The following TNFRSF10B variants were observed in gnomAD, a reference collection of about 807,000 sequenced individuals.
TNFRSF10B encodes TNF receptor superfamily member 10b.
Under a neutral mutation model 41.4 loss-of-function variants are expected in TNFRSF10B, and 35 were observed. The observed-to-expected ratio is 0.85, with a 90% confidence interval of 0.65 to 1.12. TNFRSF10B has a LOEUF of 1.12. TNFRSF10B is among the 50% of genes most tolerant of loss of function. TNFRSF10B has a pLI of 0.00. For missense variants in TNFRSF10B, 584 were observed against 552.7 expected (o/e 1.06, Z -0.57); for synonymous variants, 230 against 215.5 (o/e 1.07, Z -0.59).
chr8:23,030,851 C>T lies in TNFRSF10B; in HGVS notation c.272G>A (p.Gly91Asp). ...CPPGHHISED[G>D]RDCISCKYGQ... Reference sequence around the variant, plus strand: ...ATATTTGCAGGAGATGCAATCTCTACCGTCTTCTGAGATATGGTGTCCTGG... The same window carrying T: ...ATATTTGCAGGAGATGCAATCTCTATCGTCTTCTGAGATATGGTGTCCTGG... The change falls in exon 3 of 9, where the codon GGT becomes GAT. Residue 91 changes from glycine (G) to aspartate (D), a missense_variant. Gly to Asp is a moderately conservative substitution (Grantham distance 94). Coordinates refer to ENST00000276431, the MANE Select transcript of TNFRSF10B (RefSeq NM_003842.5). 4.3e-6 allele frequency: 7 copies of T among 1,611,590 alleles called. No individual in the cohort carries two copies. The African/African-American group carries it at 8.0e-5, about 18-fold the overall frequency.
At chr8:23,039,448 C>G (rs1040024676) in intron 2 of TNFRSF10B, among the ~76,000 whole-genome samples, 1 of 152,174 alleles carries the variant, frequency 6.6e-6, no homozygotes, top group Non-Finnish European at 1.5e-5. Flanking sequence ...AGAACACCCT[C>G]TTTCTTGGTG....
chr8:23,022,940 C>A lies in TNFRSF10B; in HGVS notation c.1054G>T (p.Asp352Tyr), dbSNP rs201068780. 3 of 1,613,656 alleles carry A rather than the reference C, an allele frequency of 1.9e-6. No homozygotes were observed. In the East Asian group the frequency reaches 6.7e-5, roughly 36 times the overall value. ...TTCCTCATGAGCGGCTCCCAGGAGTCAAAGGGCACCAAGTCTGCAAAGTCA... is the reference window on the plus strand; with the variant it reads ...TTCCTCATGAGCGGCTCCCAGGAGTAAAAGGGCACCAAGTCTGCAAAGTCA... ...FDDFADLVPF[D>Y]SWEPLMRKLG... Residue 352 changes from aspartate to tyrosine, a missense_variant, in exon 9 of 9, where the codon GAC (aspartate) becomes TAC (tyrosine). By Grantham distance (160) the Asp-to-Tyr change is radical. Transcript: ENST00000276431.
chr8:23,027,575 C>T, intron 6 of TNFRSF10B, 147 bp downstream of exon 6: 2 of 1,090,886 alleles, frequency 1.8e-6, no homozygotes, highest in East Asian at 5.0e-5. Context: ...GGCCATGTGT[C>T]CCCCACAGTC....
rs1454547849 is a variant in TNFRSF10B, at chr8:23,043,253, C to G, written c.145-10G>C. 2.6e-5 allele frequency: 42 copies of G among 1,613,106 alleles called. No homozygotes were observed. The highest frequency in any genetic ancestry group is 3.1e-5 in the Non-Finnish European group (37 of 1,179,404). ...CAGACTCAGCTGAGACCTGTGGGGA[C>G]AAAGCAGGGATGGGCATGAGTGGCT... is the stretch of plus-strand genomic sequence containing the variant. On this transcript the variant is annotated splice_polypyrimidine_tract_variant and intron_variant, in intron 1 of 8. Coordinates refer to ENST00000276431, the MANE Select transcript of TNFRSF10B (RefSeq NM_003842.5).
rs770340318 is a variant in TNFRSF10B at position 23,028,578 on chromosome 8, G to C, written c.501C>G (p.Val167=). The change falls in exon 5 of 9, where the codon GTC becomes GTG. Residue 167 remains valine (V), a synonymous_variant. Coordinates refer to ENST00000276431, the MANE Select transcript of TNFRSF10B (RefSeq NM_003842.5). ...RTGCPRGMVK[V]GDCTPWSDIE... is the part of the protein sequence containing the mutation. ...TGTCACTCCAGGGTGTACAATCACCGACCTTGACCATCCCTCTGGGACACC... is the reference window on the plus strand; with the variant it reads ...TGTCACTCCAGGGTGTACAATCACCCACCTTGACCATCCCTCTGGGACACC... 1 of 1,613,956 alleles carries C rather than the reference G, an allele frequency of 6.2e-7. No homozygotes were observed. Among genetic ancestry groups the C allele is most frequent in the Non-Finnish European group, 8.5e-7 (1 of 1,179,984 alleles).
chr8:23,020,828 G>A lies in TNFRSF10B; in HGVS notation c.*1843C>T, dbSNP rs777905228. On this transcript the variant is annotated 3_prime_UTR_variant, in exon 9 of 9. Transcript: ENST00000276431. ...CACCTTCTGAGCCCTGAGGCTGAGC[G>A]TCCTGCACAGAAGGCCCAGCAAAGG... 48 of 454,000 alleles carry A rather than the reference G, an allele frequency of 1.1e-4. No homozygotes were observed. The highest frequency in any genetic ancestry group is 1.6e-4 in the Non-Finnish European group (37 of 226,802). 28.1% of individuals were successfully genotyped at this position (454,000 alleles called of 1,614,324 possible).
At position 23,022,258 on chromosome 8, in the gene TNFRSF10B, C is replaced by CA; in HGVS notation, c.*412dup. 1 of 454,144 alleles carries CA rather than the reference C, an allele frequency of 2.2e-6. No individual in the cohort carries two copies. Among genetic ancestry groups the CA allele is most frequent in the Admixed American group, 2.3e-5 (1 of 42,562 alleles). 28.1% of individuals were successfully genotyped at this position (454,144 alleles called of 1,614,324 possible). On this transcript the variant is annotated 3_prime_UTR_variant, in exon 9 of 9. Coordinates refer to ENST00000276431, the MANE Select transcript of TNFRSF10B (RefSeq NM_003842.5). ...CTGGGAGACAGAGTGAACTGCCCCG[C>CA]ACCCCCCACCCAAAAAAGGTTCATA...
chr8:23,036,657 C>CT (rs1167875283), intron 2 of TNFRSF10B, among the ~76,000 whole-genome samples: 1 of 152,194 alleles, frequency 6.6e-6, no homozygotes, highest in East Asian at 1.9e-4. Context: ...CTGGCCTGAC[C>CT]AACATGGTGA....
At position 23,035,158 on chromosome 8, in the gene TNFRSF10B, A is replaced by G. The variant is rs545769918; in HGVS notation, c.251-4286T>C. 6.9e-4 allele frequency among the ~76,000 whole-genome samples: 104 copies of G among 150,706 alleles called. 1 individual carries two copies. Among genetic ancestry groups the G allele is most frequent in the Admixed American group, 4.1e-3 (62 of 15,150 alleles). The stretch of plus-strand genomic sequence containing the variant: ...GTTTGCAGGTATTTTTTTTTTTTTA[A>G]TTAAACAGAGTCTTGCTCTGTCTCT... On this transcript the variant is annotated intron_variant, in intron 2 of 8. Coordinates refer to ENST00000276431, the MANE Select transcript of TNFRSF10B (RefSeq NM_003842.5).
intron 1 of TNFRSF10B, among the ~76,000 whole-genome samples, chr8:23,048,134 T>C (rs1812416395): frequency 6.6e-6 from 1 of 152,134 alleles, no homozygotes; most frequent in Non-Finnish European, 1.5e-5. Flanking sequence ...TTTTCATACA[T>C]GAAATTGAAA....
chr8:23,048,119 GTA>G (rs1334757337), intron 1 of TNFRSF10B, among the ~76,000 whole-genome samples: 7 of 152,162 alleles, frequency 4.6e-5, no homozygotes, highest in Non-Finnish European at 8.8e-5. Context: ...GAGAAATACT[GTA>G]TGTTTTCATA....
chr8:23,054,799 C>T (rs1397595883), intron 1 of TNFRSF10B, among the ~76,000 whole-genome samples: 1 of 152,148 alleles, frequency 6.6e-6, no homozygotes, highest in African/African-American at 2.4e-5. Flanking sequence ...TGGTTGGGCT[C>T]GGCTTTAAAA....
intron 7 of TNFRSF10B, among the ~76,000 whole-genome samples, chr8:23,025,773 C>A (rs1312103461): frequency 6.6e-6 from 1 of 152,062 alleles, no homozygotes; most frequent in African/African-American, 2.4e-5. Context: ...CTATGGGTGA[C>A]CTGCTTTCAA....
chr8:23,041,060 TG>T (rs33971191), intron 2 of TNFRSF10B, among the ~76,000 whole-genome samples: 6,487 of 51,182 alleles, frequency 0.13, 344 homozygotes, highest in African/African-American at 0.4. Context: ...ATTTTTTTTT[TG>T]TTGTTTTTTT....
intron 1 of TNFRSF10B, among the ~76,000 whole-genome samples, chr8:23,063,220 C>T (rs1344211704): frequency 1.3e-5 from 2 of 151,946 alleles, no homozygotes; most frequent in South Asian, 2.1e-4. Context: ...TGGTGGCAAG[C>T]GCCTGTAATC....
In TNFRSF10B at chr8:23,020,746, G is replaced by C; in HGVS notation, c.*1925C>G. 1 of 454,038 alleles carries C rather than the reference G, an allele frequency of 2.2e-6. No homozygotes were observed. The highest frequency in any genetic ancestry group is 4.4e-6 in the Non-Finnish European group (1 of 226,752). 28.1% of individuals were successfully genotyped at this position (454,038 alleles called of 1,614,324 possible). ...AAACACTGATAAGGCTGACACTCTA[G>C]ATGCATCTTCTAGGAAGGCCTCTGT... On this transcript the variant is annotated 3_prime_UTR_variant, in exon 9 of 9. Transcript: ENST00000276431.
intron 1 of TNFRSF10B, among the ~76,000 whole-genome samples, chr8:23,050,812 G>A (rs1009646717): frequency 2.0e-5 from 3 of 152,094 alleles, no homozygotes; most frequent in African/African-American, 7.2e-5. Context: ...GGTGTCTCAT[G>A]CCTGTAATCC....
intron 2 of TNFRSF10B, among the ~76,000 whole-genome samples, chr8:23,038,865 C>T (rs965465177): frequency 6.6e-6 from 1 of 152,062 alleles, no homozygotes; most frequent in African/African-American, 2.4e-5. Context: ...TCCTGAAAGA[C>T]AATTTTTCCA....
intron 1 of TNFRSF10B, among the ~76,000 whole-genome samples, chr8:23,061,471 T>G (rs192014463): frequency 6.6e-6 from 1 of 152,346 alleles, no homozygotes; most frequent in Non-Finnish European, 1.5e-5. Context: ...ACCAGTAAGA[T>G]CATATCATCT....
Sources: gnomAD v4.1 joint callset for allele counts (sites outside exome capture counted in the v4.1 genomes callset) on GRCh38, gnomAD v4.1.1 for gene constraint, MANE v1.5 for transcripts, NCBI Gene and HGNC (gene_info 2026-07-23, HGNC 2026-07-21) for gene names.